PTPRT: variants seen among roughly 807,000 people sequenced by gnomAD.
The protein encoded by PTPRT is protein tyrosine phosphatase receptor type T, also known as receptor-type tyrosine-protein phosphatase T.
Under a neutral mutation model 176.8 loss-of-function variants are expected in PTPRT, and 56 were observed. That is an observed-to-expected ratio of 0.32 (90% CI 0.26 to 0.40). The LOEUF (loss-of-function observed/expected upper bound fraction) is 0.40, where lower values mean the gene tolerates loss of function less well. PTPRT is among the 10% of genes least tolerant of loss of function. The probability of loss-of-function intolerance (pLI) is 1.00; values close to 1 mark genes in which losing one functional copy is unlikely to be tolerated. For missense variants in PTPRT, 1,540 were observed against 1,908.2 expected (o/e 0.81, Z 3.60); for synonymous variants, 783 against 739.0 (o/e 1.06, Z -0.96).
intron 7 of PTPRT, among the ~76,000 whole-genome samples, chr20:42,577,360 AT>A (rs1353767616): frequency 6.6e-6 from 1 of 152,184 alleles, no homozygotes; most frequent in African/African-American, 2.4e-5. Context: ...GGAGGGATAC[AT>A]CGCAGAAGCC....
chr20:42,257,474 C>A (rs966909555), intron 13 of PTPRT, among the ~76,000 whole-genome samples: 1 of 152,060 alleles, frequency 6.6e-6, no homozygotes, highest in African/African-American at 2.4e-5. Flanking sequence ...TGTGTCTGCA[C>A]CCAAACCTCA....
chr20:42,850,052 C>T (rs1376268817), intron 2 of PTPRT, among the ~76,000 whole-genome samples: 2 of 152,170 alleles, frequency 1.3e-5, no homozygotes, highest in East Asian at 1.9e-4. Context: ...TCTCCCTGGG[C>T]TGCATGTTAT....
chr20:42,905,650 A>G (rs2079465845), intron 1 of PTPRT, among the ~76,000 whole-genome samples: 1 of 152,236 alleles, frequency 6.6e-6, no homozygotes, highest in African/African-American at 2.4e-5. Flanking sequence ...CGCAATAGCA[A>G]AGACTTGAAA....
intron 6 of PTPRT, among the ~76,000 whole-genome samples, chr20:42,692,444 T>A (rs1425971967): frequency 2.6e-5 from 4 of 152,086 alleles, no homozygotes; most frequent in Non-Finnish European, 5.9e-5. Flanking sequence ...AAGATAAAAA[T>A]CACATAGTTG....
intron 6 of PTPRT, among the ~76,000 whole-genome samples, chr20:42,742,243 T>C (rs2076622231): frequency 6.6e-6 from 1 of 152,240 alleles, no homozygotes; most frequent in Non-Finnish European, 1.5e-5. Flanking sequence ...AACTATGGCA[T>C]TGTCTGCATG....
At chr20:42,686,698 T>C (rs1443765024) in intron 6 of PTPRT, among the ~76,000 whole-genome samples, 1 of 151,926 alleles carries the variant, frequency 6.6e-6, no homozygotes, top group Admixed American at 6.6e-5. Context: ...TTCACCATGT[T>C]GGCCAGGATG....
intron 11 of PTPRT, among the ~76,000 whole-genome samples, chr20:42,334,850 C>T (rs2058018405): frequency 6.6e-6 from 1 of 152,134 alleles, no homozygotes; most frequent in African/African-American, 2.4e-5. Context: ...CTGCAATAGA[C>T]AATAATGTAA....
chr20:42,941,743 G>T (rs913054605), intron 1 of PTPRT, among the ~76,000 whole-genome samples: 2 of 152,154 alleles, frequency 1.3e-5, no homozygotes, highest in Non-Finnish European at 2.9e-5. Context: ...GTTCTTAGAT[G>T]CCCAGGTTGG....
chr20:42,613,418 G>A (rs1035058882), intron 7 of PTPRT, among the ~76,000 whole-genome samples: 4 of 152,344 alleles, frequency 2.6e-5, no homozygotes, highest in South Asian at 4.1e-4. Context: ...CGAATAGCCC[G>A]TTAAATCCAT....
chr20:42,196,939 G>C (rs1020706081), intron 16 of PTPRT, among the ~76,000 whole-genome samples: 2 of 152,164 alleles, frequency 1.3e-5, no homozygotes, highest in African/African-American at 4.8e-5. Context: ...GGTATGATAT[G>C]TCCATTAATA....
intron 7 of PTPRT, among the ~76,000 whole-genome samples, chr20:42,562,543 C>T (rs1193107241): frequency 6.6e-6 from 1 of 152,184 alleles, no homozygotes; most frequent in Non-Finnish European, 1.5e-5. Flanking sequence ...GAGACTATTA[C>T]AAATAAAGCT....
At chr20:42,293,423 C>G (rs1463546007) in intron 12 of PTPRT, among the ~76,000 whole-genome samples, 1 of 152,112 alleles carries the variant, frequency 6.6e-6, no homozygotes, top group Non-Finnish European at 1.5e-5. Flanking sequence ...GTCATTCTAC[C>G]TTCCAGACTT....
rs148472144 is a variant in PTPRT, at chr20:42,874,951, C to T, written c.214+10856G>A. 4.8e-3 allele frequency among the ~76,000 whole-genome samples: 727 copies of T among 152,264 alleles called. 9 individuals carry two copies. Among genetic ancestry groups the T allele is most frequent in the African/African-American group, 0.017 (704 of 41,544 alleles). On this transcript the variant is annotated intron_variant, in intron 2 of 30. Transcript: ENST00000373187. ...TTGCTCAGGCTGGAGGGCAATGGCG[C>T]AGTCTCAGCTCACTGCAACCTCTGC...
At chr20:42,396,922 C>T (rs371282833) in intron 9 of PTPRT, among the ~76,000 whole-genome samples, 7 of 152,214 alleles carry the variant, frequency 4.6e-5, no homozygotes, top group Non-Finnish European at 2.9e-5. Context: ...TGCCTTCCCT[C>T]AGGTCTCTGT....
At chr20:42,149,538 C>T (rs1020475739) in intron 17 of PTPRT, among the ~76,000 whole-genome samples, 1 of 151,906 alleles carries the variant, frequency 6.6e-6, no homozygotes, top group African/African-American at 2.4e-5. Flanking sequence ...ATTCTCCCGC[C>T]TCAGCCTCCT....
intron 9 of PTPRT, among the ~76,000 whole-genome samples, chr20:42,361,804 T>G (rs1471416771): frequency 1.3e-5 from 2 of 152,214 alleles, no homozygotes; most frequent in Non-Finnish European, 2.9e-5. Context: ...ATCCCTGCCC[T>G]CTTGCATTCC....
At chr20:42,770,186 G>A (rs1225615786) in intron 5 of PTPRT, among the ~76,000 whole-genome samples, 1 of 152,146 alleles carries the variant, frequency 6.6e-6, no homozygotes, top group African/African-American at 2.4e-5. Flanking sequence ...GCAGTGGTGC[G>A]ATCTCAGTTC....
At chr20:43,138,033 G>A (rs184998465) in intron 1 of PTPRT, among the ~76,000 whole-genome samples, 1 of 152,126 alleles carries the variant, frequency 6.6e-6, no homozygotes, top group Non-Finnish European at 1.5e-5. Context: ...TTCTCAGCCC[G>A]TGGCTCCTCA....
chr20:42,858,136 C>A (rs1240310271), intron 2 of PTPRT, among the ~76,000 whole-genome samples: 3 of 152,028 alleles, frequency 2.0e-5, no homozygotes, highest in African/African-American at 4.8e-5. Flanking sequence ...CTATTAGACC[C>A]AAAGCTACTT....
Sources: gnomAD v4.1 joint callset for allele counts (sites outside exome capture counted in the v4.1 genomes callset) on GRCh38, gnomAD v4.1.1 for gene constraint, MANE v1.5 for transcripts, NCBI Gene and HGNC (gene_info 2026-07-23, HGNC 2026-07-21) for gene names.